The following CNTNAP2 variants were observed in gnomAD, a reference collection of about 807,000 sequenced individuals.
The protein encoded by CNTNAP2 is contactin associated protein 2, also known as contactin-associated protein-like 2.
CNTNAP2 carries 98 observed loss-of-function variants against 155.2 expected under a neutral mutation model. The observed-to-expected ratio is 0.63, with a 90% confidence interval of 0.54 to 0.75. The LOEUF is 0.75. Ranked by LOEUF, CNTNAP2 falls within the 30% of genes least tolerant of loss-of-function variation. CNTNAP2 has a pLI of 0.00. For synonymous variants in CNTNAP2, 651 were observed against 631.2 expected, an observed-to-expected ratio of 1.03 and a Z score of -0.47; for missense variants, 1,727 against 1,688.1, an observed-to-expected ratio of 1.02 and a Z score of -0.40.
intron 16 of CNTNAP2, among the ~76,000 whole-genome samples, chr7:148,130,438 G>C (rs1416466993): frequency 6.6e-6 from 1 of 152,068 alleles, no homozygotes; most frequent in African/African-American, 2.4e-5. Context: ...ATTCAGACAG[G>C]CTCATAATTT....
At chr7:148,096,731 G>C (rs1196880421) in intron 15 of CNTNAP2, among the ~76,000 whole-genome samples, 1 of 152,038 alleles carries the variant, frequency 6.6e-6, no homozygotes, top group Admixed American at 6.6e-5. Context: ...TTATACAAGA[G>C]CCTGGTCTAT....
chr7:146,821,163 C>T (rs867304841), intron 2 of CNTNAP2, among the ~76,000 whole-genome samples: 24 of 152,256 alleles, frequency 1.6e-4, no homozygotes, highest in Admixed American at 7.2e-4. Flanking sequence ...ACCCCATTTA[C>T]ATTTAAAGTT....
chr7:146,312,280 G>A (rs571968907), intron 1 of CNTNAP2, among the ~76,000 whole-genome samples: 1 of 152,266 alleles, frequency 6.6e-6, no homozygotes, highest in East Asian at 1.9e-4. Context: ...GTGATTATGG[G>A]TGAGAGTTAG....
At chr7:146,367,410 T>C (rs149549516) in intron 1 of CNTNAP2, among the ~76,000 whole-genome samples, 1 of 152,232 alleles carries the variant, frequency 6.6e-6, no homozygotes, top group East Asian at 1.9e-4. Flanking sequence ...TACTTATATA[T>C]CAAAAACCAA....
intron 1 of CNTNAP2, among the ~76,000 whole-genome samples, chr7:146,721,775 T>TAG (rs1472636816): frequency 2.4e-5 from 3 of 125,892 alleles, no homozygotes; most frequent in African/African-American, 1.0e-4. Flanking sequence ...TACATATATA[T>TAG]TCTATATATA....
intron 13 of CNTNAP2, among the ~76,000 whole-genome samples, chr7:147,655,816 C>T (rs916204867): frequency 5.9e-5 from 9 of 152,212 alleles, no homozygotes; most frequent in Admixed American, 1.3e-4. Context: ...TAATAAGGGG[C>T]TGTCCTTTGA....
intron 3 of CNTNAP2, among the ~76,000 whole-genome samples, chr7:147,033,168 A>ATATATATATATATG (rs1799072159): frequency 2.4e-5 from 1 of 41,956 alleles, no homozygotes; most frequent in African/African-American, 1.0e-4. Context: ...ATGTATATAT[A>ATATATATATATATG]TATATATATA....
intron 1 of CNTNAP2, among the ~76,000 whole-genome samples, chr7:146,220,950 C>A (rs1451073570): frequency 1.3e-5 from 2 of 152,230 alleles, no homozygotes; most frequent in African/African-American, 4.8e-5. Flanking sequence ...AGTCTGAGGC[C>A]TATGCCCAAA....
intron 9 of CNTNAP2, among the ~76,000 whole-genome samples, chr7:147,366,877 A>G (rs1002047234): frequency 6.6e-6 from 1 of 152,142 alleles, no homozygotes; most frequent in Non-Finnish European, 1.5e-5. Context: ...TAGACATTTT[A>G]GAGACTCGCA....
chr7:148,004,096 T>C (rs1801937003), intron 15 of CNTNAP2, among the ~76,000 whole-genome samples: 1 of 152,198 alleles, frequency 6.6e-6, no homozygotes, highest in Non-Finnish European at 1.5e-5. Context: ...TGAAATGAAG[T>C]TATATAGCTA....
intron 13 of CNTNAP2, among the ~76,000 whole-genome samples, chr7:147,886,875 G>A (rs905510925): frequency 2.0e-5 from 3 of 152,074 alleles, no homozygotes; most frequent in South Asian, 2.1e-4. Context: ...TTGCGTAATC[G>A]TGAAACCAAG....
At chr7:147,546,822 T>A (rs1214344411) in intron 11 of CNTNAP2, among the ~76,000 whole-genome samples, 1 of 152,228 alleles carries the variant, frequency 6.6e-6, no homozygotes, top group Non-Finnish European at 1.5e-5. Flanking sequence ...TGGATGAAAC[T>A]GATTCTCATC....
intron 12 of CNTNAP2, among the ~76,000 whole-genome samples, chr7:147,592,575 A>G (rs933974563): frequency 1.8e-4 from 27 of 151,786 alleles, no homozygotes; most frequent in African/African-American, 6.5e-4. Context: ...GAAATATCCC[A>G]TGACCCAATT....
intron 1 of CNTNAP2, among the ~76,000 whole-genome samples, chr7:146,730,296 T>C (rs1801502993): frequency 6.6e-6 from 1 of 152,242 alleles, no homozygotes; most frequent in South Asian, 2.1e-4. Context: ...TTTTGACATT[T>C]AATATCACAT....
intron 15 of CNTNAP2, among the ~76,000 whole-genome samples, chr7:148,061,360 T>C (rs1803125631): frequency 6.6e-6 from 1 of 152,132 alleles, no homozygotes; most frequent in Non-Finnish European, 1.5e-5. Flanking sequence ...AATTTTTTAT[T>C]ATTTATTTTT....
chr7:146,249,748 A>C (rs1211605635), intron 1 of CNTNAP2, among the ~76,000 whole-genome samples: 1 of 152,180 alleles, frequency 6.6e-6, no homozygotes, highest in Non-Finnish European at 1.5e-5. Context: ...ATCACTGAAC[A>C]AGTTTATTTC....
intron 13 of CNTNAP2, among the ~76,000 whole-genome samples, chr7:147,760,708 G>A (rs527403104): frequency 6.6e-6 from 1 of 152,262 alleles, no homozygotes; most frequent in South Asian, 2.1e-4. Flanking sequence ...CAAACCAGCT[G>A]ACTTAGGTAG....
intron 13 of CNTNAP2, among the ~76,000 whole-genome samples, chr7:147,819,220 A>G (rs1318600947): frequency 6.6e-6 from 1 of 152,226 alleles, no homozygotes; most frequent in Admixed American, 6.5e-5. Flanking sequence ...TGTCTCAGAT[A>G]GATGGTTCTA....
intron 1 of CNTNAP2, among the ~76,000 whole-genome samples, chr7:146,505,301 C>T (rs1017008562): frequency 6.6e-6 from 1 of 152,164 alleles, no homozygotes; most frequent in African/African-American, 2.4e-5. Context: ...GCTGTTGGAG[C>T]ATGTCAACCT....
Sources: gnomAD v4.1 joint callset for allele counts (sites outside exome capture counted in the v4.1 genomes callset) on GRCh38, gnomAD v4.1.1 for gene constraint, MANE v1.5 for transcripts, NCBI Gene and HGNC (gene_info 2026-07-23, HGNC 2026-07-21) for gene names.